The following GIPC3 variants were observed in gnomAD, a reference collection of about 807,000 sequenced individuals.
GIPC3 encodes PDZ domain-containing protein GIPC3.
GIPC3 carries 16 observed loss-of-function variants against 27.3 expected under a neutral mutation model. The ratio of observed to expected loss-of-function variants is 0.59; its 90% confidence interval spans 0.40 to 0.89. The LOEUF is 0.89. GIPC3 is among the 40% of genes least tolerant of loss of function. The probability of loss-of-function intolerance (pLI) is 0.00; values close to 1 mark genes in which losing one functional copy is unlikely to be tolerated. For missense variants in GIPC3, 440 were observed against 442.1 expected, an observed-to-expected ratio of 1.00 and a Z score of 0.04; for synonymous variants, 194 against 184.6, an observed-to-expected ratio of 1.05 and a Z score of -0.41.
Position 3,590,228 on chromosome 19 carries a change from G to C in GIPC3, c.*38G>C. ...GGGCCCAGCACAGCCCCAGCCCGGA[G>C]CCCAGCCCCCTGCCCCGGCCCTGCT... On this transcript the variant is annotated 3_prime_UTR_variant, in exon 6 of 6. Transcript: ENST00000644452. The C allele has an allele frequency of 6.4e-7, 1 of 1,557,084 alleles. No homozygotes were observed. Among genetic ancestry groups the C allele is most frequent in the Non-Finnish European group, 8.7e-7 (1 of 1,150,772 alleles).
Position 3,591,710 on chromosome 19 carries a change from C to T in GIPC3, c.*1520C>T. On this transcript the variant is annotated 3_prime_UTR_variant, in exon 6 of 6. Coordinates refer to ENST00000644452, the MANE Select transcript of GIPC3 (RefSeq NM_133261.3). ...ATCCCCATCCTGCAGCCCAGTCCAG[C>T]TCCAGTGATGATTCCAGCTCTGAGA... The T allele has an allele frequency of 8.1e-7, 1 of 1,234,278 alleles. No individual in the cohort carries two copies. The highest frequency in any genetic ancestry group is 1.0e-6 in the Non-Finnish European group (1 of 989,762). 76.5% of individuals were successfully genotyped at this position (1,234,278 alleles called of 1,614,324 possible).
Position 3,589,804 on chromosome 19 carries a change from C to A in GIPC3, c.706-27C>A, listed in dbSNP as rs770668040. The A allele has an allele frequency of 5.6e-6, 9 of 1,609,962 alleles. No individual in the cohort carries two copies. The African/African-American group carries it at 1.2e-4, about 22-fold the overall frequency. ...CTGGAGGGCTCCAAAGCTTTTCACC[C>A]CTGACTTCCCTCCCGTGTGCCCCCA... On this transcript the variant is annotated intron_variant, in intron 4 of 5. Coordinates refer to ENST00000644452, the MANE Select transcript of GIPC3 (RefSeq NM_133261.3).
chr19:3,589,889 T>C lies in GIPC3; in HGVS notation c.764T>C (p.Met255Thr), dbSNP rs2032449513. Residue 255 changes from methionine to threonine, a missense_variant, in exon 5 of 6, where the codon ATG (methionine) becomes ACG (threonine). By Grantham distance (81) the Met-to-Thr change is moderately conservative. Coordinates refer to ENST00000644452, the MANE Select transcript of GIPC3 (RefSeq NM_133261.3). ...RKVDDLLESY[M>T]GIRDPELAST... ...GTTGATGACCTGCTGGAAAGCTACA[T>C]GGGCATTCGGGACCCCGAGCTGGGT... is the stretch of plus-strand genomic sequence containing the variant. The C allele has an allele frequency of 6.2e-7, 1 of 1,613,680 alleles. No individual in the cohort carries two copies. The highest frequency in any genetic ancestry group is 8.5e-7 in the Non-Finnish European group (1 of 1,179,992).
At chr19:3,589,998 G>C in intron 5 of GIPC3, 41 bp from the exon 6 acceptor site, 1 of 1,613,150 alleles carries the variant, frequency 6.2e-7, no homozygotes, top group East Asian at 2.2e-5. Flanking sequence ...GTTGGGCGCG[G>C]GGAGTGCCCT....
Position 3,590,269 on chromosome 19 carries a change from G to C in GIPC3, c.*79G>C. The C allele has an allele frequency of 2.6e-6, 4 of 1,516,624 alleles. No homozygotes were observed. In the South Asian group the frequency reaches 3.7e-5, roughly 14 times the overall value. The allele number at this position is 1,516,624 out of a possible 1,614,324, so 93.9% of individuals were successfully genotyped here. A position where few individuals can be genotyped will look rare whatever the true frequency, so the allele number is the denominator to read the frequency against. The stretch of plus-strand genomic sequence containing the variant: ...CGGCCCTGCTCCAGAACCCAGCCCA[G>C]ATCGGAGGACAAGTTCCTCTCTAGA... On this transcript the variant is annotated 3_prime_UTR_variant, in exon 6 of 6. Transcript: ENST00000644452.
intron 3 of GIPC3, among the ~76,000 whole-genome samples, chr19:3,587,252 C>A (rs530663592): frequency 6.7e-6 from 1 of 149,102 alleles, no homozygotes; most frequent in Admixed American, 6.7e-5. Flanking sequence ...CACTTTGGAG[C>A]CAGGCTGGGA....
rs201724485 is a variant in GIPC3, at chr19:3,586,988, G to T, written c.586G>T (p.Ala196Ser). ...CCTGCGCCTGGTGCAGCCCAAGAGG[G>T]CCTTCGGTGAGGCGGGTGGGCTGGC... is the stretch of plus-strand genomic sequence containing the variant. ...FTLRLVQPKR[A>S]FDMIGQRSRS... Residue 196 changes from alanine to serine, a missense_variant, in exon 3 of 6, where the codon GCC (alanine) becomes TCC (serine). Coordinates refer to ENST00000644452, the MANE Select transcript of GIPC3 (RefSeq NM_133261.3). The T allele has an allele frequency of 6.2e-7, 1 of 1,612,274 alleles. No homozygotes were observed. Among genetic ancestry groups the T allele is most frequent in the East Asian group, 2.2e-5 (1 of 44,858 alleles).
chr19:3,589,367 C>A, intron 3 of GIPC3, 76 bp from the exon 4 acceptor site: 1 of 1,038,108 alleles, frequency 9.6e-7, no homozygotes, highest in Non-Finnish European at 1.5e-6. Flanking sequence ...AAAGGCTCGG[C>A]TGTTGGCCTC....
At chr19:3,589,792 A>G (rs749117629) in intron 4 of GIPC3, 39 bp from the exon 5 acceptor site, 12 of 1,603,972 alleles carry the variant, frequency 7.5e-6, no homozygotes, top group Non-Finnish European at 1.0e-5. Context: ...GAGGGCTCCA[A>G]AGCTTTTCAC....
chr19:3,591,340 C>T lies in GIPC3; in HGVS notation c.*1150C>T. The T allele has an allele frequency of 2.4e-6, 3 of 1,232,526 alleles. No homozygotes were observed. The highest frequency in any genetic ancestry group is 3.0e-6 in the Non-Finnish European group (3 of 988,304). 76.3% of individuals were successfully genotyped at this position (1,232,526 alleles called of 1,614,324 possible). On this transcript the variant is annotated 3_prime_UTR_variant, in exon 6 of 6. Transcript: ENST00000644452. ...CCTGACAACAAGCCAAACTCTGGAA[C>T]CCAGACACATTTTAAGACCCAGACC...
Position 3,590,388 on chromosome 19 carries a change from C to T in GIPC3, c.*198C>T. 1 of 1,434,286 alleles carries T rather than the reference C, an allele frequency of 7.0e-7. No homozygotes were observed. Among genetic ancestry groups the T allele is most frequent in the Non-Finnish European group, 9.1e-7 (1 of 1,098,706 alleles). 88.8% of individuals were successfully genotyped at this position (1,434,286 alleles called of 1,614,324 possible). A position where few individuals can be genotyped will look rare whatever the true frequency, so the allele number is the denominator to read the frequency against. On this transcript the variant is annotated 3_prime_UTR_variant, in exon 6 of 6. Transcript: ENST00000644452. Reference sequence around the variant, plus strand: ...TGAGGCCAAGCTATGTGCTAGAGCCCAGGCCAGCTCTGAGACCAAGCCCAG... The same window carrying T: ...TGAGGCCAAGCTATGTGCTAGAGCCTAGGCCAGCTCTGAGACCAAGCCCAG...
In GIPC3 at chr19:3,592,472, A is replaced by T. The variant is rs935644646; in HGVS notation, c.*2282A>T. The T allele has an allele frequency of 1.5e-5, 19 of 1,231,872 alleles. No individual in the cohort carries two copies. The South Asian group carries it at 1.6e-4, about 11-fold the overall frequency. The allele number at this position is 1,231,872 out of a possible 1,614,324, so 76.3% of individuals were successfully genotyped here. ...GCTCCAGAACTCAGACTAGTTCTGG[A>T]AACCAGCTCAGCTCCGGGACCCAGA... On this transcript the variant is annotated 3_prime_UTR_variant, in exon 6 of 6. Transcript: ENST00000644452.
In GIPC3 at chr19:3,591,110, G is replaced by C. The variant is rs898277835; in HGVS notation, c.*920G>C. On this transcript the variant is annotated 3_prime_UTR_variant, in exon 6 of 6. Transcript: ENST00000644452. ...AAGCCAAGCCCAGCTCTAGAACTCA[G>C]GTCAGCCCTGAGACCAAGCCCAGCT... 1 of 1,233,384 alleles carries C rather than the reference G, an allele frequency of 8.1e-7. No individual in the cohort carries two copies. The highest frequency in any genetic ancestry group is 1.6e-5 in the African/African-American group (1 of 64,424). The allele number at this position is 1,233,384 out of a possible 1,614,324, so 76.4% of individuals were successfully genotyped here. A position where few individuals can be genotyped will look rare whatever the true frequency, so the allele number is the denominator to read the frequency against.
rs1857431077 is a variant in GIPC3, at chr19:3,591,378, A to C, written c.*1188A>C. 8.1e-7 allele frequency: 1 copy of C among 1,232,234 alleles called. No homozygotes were observed. Among genetic ancestry groups the C allele is most frequent in the African/African-American group, 1.6e-5 (1 of 64,398 alleles). 76.3% of individuals were successfully genotyped at this position (1,232,234 alleles called of 1,614,324 possible). A position where few individuals can be genotyped will look rare whatever the true frequency, so the allele number is the denominator to read the frequency against. On this transcript the variant is annotated 3_prime_UTR_variant, in exon 6 of 6. Coordinates refer to ENST00000644452, the MANE Select transcript of GIPC3 (RefSeq NM_133261.3). The stretch of plus-strand genomic sequence containing the variant: ...TAAGACCCAGACCAGCTTGGAGACC[A>C]ATCCCAGTTCCAGAATCCAGGCTAG...
At position 3,592,802 on chromosome 19, in the gene GIPC3, A is replaced by G. The variant is rs926184946; in HGVS notation, c.*2612A>G. The G allele has an allele frequency of 1.2e-5, 15 of 1,231,944 alleles. No individual in the cohort carries two copies. Among genetic ancestry groups the G allele is most frequent in the Non-Finnish European group, 1.5e-5 (15 of 987,986 alleles). The allele number at this position is 1,231,944 out of a possible 1,614,324, so 76.3% of individuals were successfully genotyped here. On this transcript the variant is annotated 3_prime_UTR_variant, in exon 6 of 6. Transcript: ENST00000644452. ...GAACCCAGCCTGTTTCTGGAACCCA[A>G]TCCAGTTCCAGAACTCACACCAGTT... is the stretch of plus-strand genomic sequence containing the variant.
At chr19:3,586,012 C>T (rs923554704) in intron 1 of GIPC3, among the ~76,000 whole-genome samples, 190 bp downstream of exon 1, 1 of 152,232 alleles carries the variant, frequency 6.6e-6, no homozygotes, top group African/African-American at 2.4e-5. Context: ...CCTTTGCACG[C>T]TCTGCGCAAA....
At chr19:3,587,217 A>T (rs1326971699) in intron 3 of GIPC3, among the ~76,000 whole-genome samples, 1 of 152,000 alleles carries the variant, frequency 6.6e-6, no homozygotes, top group Non-Finnish European at 1.5e-5. Context: ...GGTAAAGTGG[A>T]GTTGGAGGAG....
chr19:3,586,620 G>C lies in GIPC3; in HGVS notation c.351G>C (p.Lys117Asn). 6.3e-7 allele frequency: 1 copy of C among 1,599,530 alleles called. No individual in the cohort carries two copies. The highest frequency in any genetic ancestry group is 8.5e-7 in the Non-Finnish European group (1 of 1,172,408). Residue 117 changes from lysine (K) to asparagine (N), a missense_variant, in exon 2 of 6, where the codon AAG (lysine) becomes AAC (asparagine). Lys to Asn is a moderately conservative substitution (Grantham distance 94, BLOSUM62 0). Coordinates refer to ENST00000644452, the MANE Select transcript of GIPC3 (RefSeq NM_133261.3). ...AGACCAAGGAGGTGGAGGTCACTAA[G>C]ACAGAGGATGCTCTGGGGCTGACCA... is the stretch of plus-strand genomic sequence containing the variant. ...RGETKEVEVT[K>N]TEDALGLTIT...
chr19:3,585,642 G>T lies in GIPC3; in HGVS notation c.45G>T (p.Pro15=). 5.9e-6 allele frequency: 7 copies of T among 1,195,102 alleles called. No individual in the cohort carries two copies. Among genetic ancestry groups the T allele is most frequent in the Non-Finnish European group, 7.2e-6 (7 of 966,908 alleles). The allele number at this position is 1,195,102 out of a possible 1,614,324, so 74.0% of individuals were successfully genotyped here. A position where few individuals can be genotyped will look rare whatever the true frequency, so the allele number is the denominator to read the frequency against. The change falls in exon 1 of 6, where the codon CCG becomes CCT. Residue 15 remains proline, a synonymous_variant. Coordinates refer to ENST00000644452, the MANE Select transcript of GIPC3 (RefSeq NM_133261.3). Reference sequence around the variant, plus strand: ...GGGAGGCCCGGGGGACCGAGACCCCGCGCGCGTCTGCGCCCCCGCCCGCGC... The same window carrying T: ...GGGAGGCCCGGGGGACCGAGACCCCTCGCGCGTCTGCGCCCCCGCCCGCGC... ...AAREARGTET[P]RASAPPPAPS...
Sources: gnomAD v4.1 joint callset for allele counts (sites outside exome capture counted in the v4.1 genomes callset) on GRCh38, gnomAD v4.1.1 for gene constraint, MANE v1.5 for transcripts, NCBI Gene and HGNC (gene_info 2026-07-23, HGNC 2026-07-21) for gene names.